TRABD2A: variants seen among roughly 807,000 people sequenced by gnomAD.
TRABD2A encodes metalloprotease TIKI1.
Under a neutral mutation model 45.6 loss-of-function variants are expected in TRABD2A, and 43 were observed. That is an observed-to-expected ratio of 0.94 (90% CI 0.74 to 1.22). The LOEUF (loss-of-function observed/expected upper bound fraction) is 1.22, where lower values mean the gene tolerates loss of function less well. Among genes scored for constraint, TRABD2A ranks in the 50% most tolerant of loss-of-function variants. TRABD2A has a pLI of 0.00. For synonymous variants in TRABD2A, 269 were observed against 265.0 expected (o/e 1.02, Z -0.15); for missense variants, 642 against 652.4 (o/e 0.98, Z 0.17).
chr2:84,878,262 C>T (rs1025066263), intron 1 of TRABD2A, among the ~76,000 whole-genome samples: 3 of 152,184 alleles, frequency 2.0e-5, no homozygotes, highest in African/African-American at 7.2e-5. Context: ...CACGGTGGCT[C>T]ACGCCTATAA....
chr2:84,858,448 T>C (rs1168182618), intron 2 of TRABD2A, among the ~76,000 whole-genome samples: 1 of 152,170 alleles, frequency 6.6e-6, no homozygotes, highest in Non-Finnish European at 1.5e-5. Context: ...CAGCTCAAAT[T>C]CCAGTATGTT....
At chr2:84,824,535 G>A (rs1159128994) in intron 5 of TRABD2A, among the ~76,000 whole-genome samples, 1 of 144,548 alleles carries the variant, frequency 6.9e-6, no homozygotes, top group Non-Finnish European at 1.5e-5. Flanking sequence ...GAAAGACACT[G>A]ACAATTATAG....
chr2:84,870,542 C>T lies in TRABD2A; in HGVS notation c.352G>A (p.Asp118Asn). ...TGGCGCTTGAGGCGGCAGTAGATGT[C>T]CCTGGGGAGCACATCTTGGAGGTTC... ...GENLQDVLPR[D>N]IYCRLKRHLE... Residue 118 changes from aspartate (D) to asparagine (N), a missense_variant, in exon 2 of 7, where the codon GAC (aspartate) becomes AAC (asparagine). By Grantham distance (23) the Asp-to-Asn change is conservative (BLOSUM62 1). Transcript: ENST00000409520. 1.2e-6 allele frequency: 2 copies of T among 1,613,936 alleles called. No individual in the cohort carries two copies. The highest frequency in any genetic ancestry group is 1.7e-6 in the Non-Finnish European group (2 of 1,179,858).
chr2:84,838,280 C>T, intron 4 of TRABD2A: 1 of 716,774 alleles, frequency 1.4e-6, no homozygotes, highest in Non-Finnish European at 2.6e-6. Context: ...AGTTAAAATG[C>T]CACAAAGCCC....
At chr2:84,858,669 C>T (rs1436650630) in intron 2 of TRABD2A, among the ~76,000 whole-genome samples, 1 of 152,144 alleles carries the variant, frequency 6.6e-6, no homozygotes, top group African/African-American at 2.4e-5. Flanking sequence ...GGGCAGCCTT[C>T]ATTTTCAGGC....
chr2:84,823,594 C>G (rs1385924903), intron 6 of TRABD2A, among the ~76,000 whole-genome samples: 1 of 152,184 alleles, frequency 6.6e-6, no homozygotes, highest in Non-Finnish European at 1.5e-5. Flanking sequence ...TCCTACCGAG[C>G]TGCTTCCAGC....
At chr2:84,869,186 T>A (rs1359690636) in intron 2 of TRABD2A, among the ~76,000 whole-genome samples, 2 of 152,238 alleles carry the variant, frequency 1.3e-5, no homozygotes, top group Non-Finnish European at 2.9e-5. Flanking sequence ...TGTCAAGATC[T>A]GCTAAGGCTG....
At chr2:84,869,025 C>T (rs1036943052) in intron 2 of TRABD2A, among the ~76,000 whole-genome samples, 1 of 152,240 alleles carries the variant, frequency 6.6e-6, no homozygotes, top group South Asian at 2.1e-4. Flanking sequence ...CAAACAAATA[C>T]TATAGCATAT....
chr2:84,876,052 A>C (rs1683016081), intron 1 of TRABD2A, among the ~76,000 whole-genome samples: 1 of 152,098 alleles, frequency 6.6e-6, no homozygotes, highest in East Asian at 1.9e-4. Flanking sequence ...GGATGAGGTT[A>C]TCATTAACAG....
chr2:84,821,822 A>C lies in TRABD2A; in HGVS notation c.*95T>G. 50 of 1,272,530 alleles carry C rather than the reference A, an allele frequency of 3.9e-5. No homozygotes were observed. Among genetic ancestry groups the C allele is most frequent in the South Asian group, 3.8e-5 (2 of 52,066 alleles). 78.8% of individuals were successfully genotyped at this position (1,272,530 alleles called of 1,614,324 possible). ...CTTTTTCAAGAGCAGTCTCTTCTGG[A>C]TTGGGCCCAACAAGGCTAGACCAGA... On this transcript the variant is annotated 3_prime_UTR_variant, in exon 7 of 7. Coordinates refer to ENST00000409520, the MANE Select transcript of TRABD2A (RefSeq NM_001277053.2).
intron 2 of TRABD2A, among the ~76,000 whole-genome samples, chr2:84,855,203 T>A (rs1682232906): frequency 6.6e-6 from 1 of 152,136 alleles, no homozygotes; most frequent in South Asian, 2.1e-4. Flanking sequence ...ACCAATTGCC[T>A]CATTTCAAAT....
At position 84,829,397 on chromosome 2, in the gene TRABD2A, CACCA is replaced by C. The variant is rs1426557204; in HGVS notation, c.1082+2654_1082+2657del. On this transcript the variant is annotated intron_variant, in intron 5 of 6. Coordinates refer to ENST00000409520, the MANE Select transcript of TRABD2A (RefSeq NM_001277053.2). ...ACACACACACACACACACACACACA[CACCA>C]CACACACCACACATACCACACACAC... Among the ~76,000 whole-genome samples the C allele has an allele frequency of 8.4e-3, 1,169 of 139,432 alleles. 16 individuals are homozygous for C. The highest frequency in any genetic ancestry group is 0.029 in the African/African-American group (1,117 of 38,122). The allele number at this position is 139,432 out of a possible 152,430, so 91.5% of individuals were successfully genotyped here.
chr2:84,828,532 C>A (rs1186374648), intron 5 of TRABD2A, among the ~76,000 whole-genome samples: 1 of 152,212 alleles, frequency 6.6e-6, no homozygotes, highest in Non-Finnish European at 1.5e-5. Flanking sequence ...CCTTAGCCTC[C>A]CGGGACCCTG....
At chr2:84,862,654 C>A (rs6745730) in intron 2 of TRABD2A, among the ~76,000 whole-genome samples, 4,000 of 151,988 alleles carry the variant, frequency 0.026, 121 homozygotes, top group East Asian at 0.07. Context: ...GAGGGGCAGC[C>A]CAGAGCCAGG....
chr2:84,863,757 G>A (rs1225967143), intron 2 of TRABD2A, among the ~76,000 whole-genome samples: 2 of 151,512 alleles, frequency 1.3e-5, no homozygotes, highest in African/African-American at 2.4e-5. Flanking sequence ...GACAACAGGC[G>A]CCCGCCACCA....
intron 2 of TRABD2A, among the ~76,000 whole-genome samples, chr2:84,854,385 CA>C (rs1682203681): frequency 6.6e-6 from 1 of 152,162 alleles, no homozygotes; most frequent in Non-Finnish European, 1.5e-5. Flanking sequence ...GCAAACTTAC[CA>C]AAACATTATG....
Position 84,870,370 on chromosome 2 carries a change from A to G in TRABD2A, c.524T>C (p.Leu175Pro). ...PVWVMLMVNS[L>P]TEVDIKSRGV... ...ACGGGACTTAATGTCCACTTCAGTC[A>G]GGGAGTTGACCATGAGCATCACCCA... Residue 175 changes from leucine to proline, a missense_variant, in exon 2 of 7, where the codon CTG becomes CCG. Coordinates refer to ENST00000409520, the MANE Select transcript of TRABD2A (RefSeq NM_001277053.2). 1 of 1,614,048 alleles carries G rather than the reference A, an allele frequency of 6.2e-7. No homozygotes were observed. Among genetic ancestry groups the G allele is most frequent in the East Asian group, 2.2e-5 (1 of 44,888 alleles).
At chr2:84,868,695 G>C (rs939912861) in intron 2 of TRABD2A, among the ~76,000 whole-genome samples, 1 of 152,154 alleles carries the variant, frequency 6.6e-6, no homozygotes, top group Non-Finnish European at 1.5e-5. Flanking sequence ...GGAAAAAAGA[G>C]ACAGTGTTGC....
intron 1 of TRABD2A, among the ~76,000 whole-genome samples, chr2:84,880,138 G>A (rs1313784546): frequency 2.0e-5 from 3 of 152,156 alleles, no homozygotes; most frequent in Non-Finnish European, 2.9e-5. Flanking sequence ...AGAGGGACTC[G>A]AGAACCACAG....
Sources: gnomAD v4.1 joint callset for allele counts (sites outside exome capture counted in the v4.1 genomes callset) on GRCh38, gnomAD v4.1.1 for gene constraint, MANE v1.5 for transcripts, NCBI Gene and HGNC (gene_info 2026-07-23, HGNC 2026-07-21) for gene names.